The following EPB41 variants were observed in gnomAD, a reference collection of about 807,000 sequenced individuals.
EPB41 encodes protein 4.1.
Under a neutral mutation model 108.0 loss-of-function variants are expected in EPB41, and 65 were observed. The observed-to-expected ratio is 0.60, with a 90% CI of 0.49 to 0.74. The LOEUF is 0.74. Among genes scored for constraint, EPB41 ranks in the 30% least tolerant of loss-of-function variants. The pLI, the probability that EPB41 is intolerant of heterozygous loss-of-function variation, is 0.00. For missense variants in EPB41, 875 were observed against 1,037.0 expected, an observed-to-expected ratio of 0.84 and a Z score of 2.15; for synonymous variants, 336 against 358.9, an observed-to-expected ratio of 0.94 and a Z score of 0.72.
At chr1:29,014,895 C>G (rs1203184627) in intron 5 of EPB41, among the ~76,000 whole-genome samples, 2 of 152,176 alleles carry the variant, frequency 1.3e-5, no homozygotes, top group Non-Finnish European at 2.9e-5. Flanking sequence ...CCTGTAATCC[C>G]AGCACTTTGG....
chr1:28,969,609 C>CA (rs1239181945), intron 1 of EPB41, among the ~76,000 whole-genome samples: 2 of 148,466 alleles, frequency 1.3e-5, no homozygotes, highest in Non-Finnish European at 3.0e-5. Context: ...ACTAAAAATA[C>CA]AAAAAATTGG....
Position 28,987,784 on chromosome 1 carries a change from T to C in EPB41, c.347T>C (p.Ile116Thr). Residue 116 changes from isoleucine (I) to threonine (T), a missense_variant, in exon 2 of 21, where the codon ATA becomes ACA. Physicochemically the swap from Ile to Thr is moderately conservative, Grantham distance 89 (BLOSUM62 -1). Coordinates refer to ENST00000343067, the MANE Select transcript of EPB41 (RefSeq NM_001376013.1). ...KEKGEGGQKEIEFGTSLDEEI... is the reference protein window; with the variant it reads ...KEKGEGGQKETEFGTSLDEEI... ...AAAGGTGAAGGAGGTCAGAAAGAGA[T>C]AGAATTTGGAACCAGTCTTGATGAA... 1.2e-6 allele frequency: 2 copies of C among 1,614,072 alleles called. No homozygotes were observed. Among genetic ancestry groups the C allele is most frequent in the Non-Finnish European group, 8.5e-7 (1 of 1,180,016 alleles).
Position 29,018,416 on chromosome 1 carries a change from G to A in EPB41, c.1098G>A (p.Lys366=), listed in dbSNP as rs1254785377. 6.2e-7 allele frequency: 1 copy of A among 1,614,044 alleles called. No homozygotes were observed. Among genetic ancestry groups the A allele is most frequent in the Non-Finnish European group, 8.5e-7 (1 of 1,180,030 alleles). ...APNQTKELEE[K]VMELHKSYRS... ...ATCAGACCAAGGAACTTGAAGAGAAGGTCATGGAACTGCATAAGTCATACA... is the reference window on the plus strand; with the variant it reads ...ATCAGACCAAGGAACTTGAAGAGAAAGTCATGGAACTGCATAAGTCATACA... Residue 366 remains lysine, a synonymous_variant, in exon 7 of 21, where the codon AAG becomes AAA. Coordinates refer to ENST00000343067, the MANE Select transcript of EPB41 (RefSeq NM_001376013.1). The surrounding 1 kb of genome is among the most constrained non-coding windows in gnomAD (Gnocchi z 4.4).
Position 28,922,080 on chromosome 1 carries a change from C to T in EPB41, c.-8+7312C>T, listed in dbSNP as rs551877208. Among the ~76,000 whole-genome samples, 7 of 150,394 alleles carry T rather than the reference C, an allele frequency of 4.7e-5. No homozygotes were observed. In the South Asian group the frequency reaches 1.5e-3, roughly 32 times the overall value. On this transcript the variant is annotated intron_variant, in intron 1 of 20. Coordinates refer to ENST00000343067, the MANE Select transcript of EPB41 (RefSeq NM_001376013.1). ...TGCCTCCCAGGTTGAAGCGATTCTCCTGCCTCAGCCTCCCAAGTAGCTGGC... is the reference window on the plus strand; with the variant it reads ...TGCCTCCCAGGTTGAAGCGATTCTCTTGCCTCAGCCTCCCAAGTAGCTGGC...
At chr1:28,997,358 A>G in intron 4 of EPB41, 39 bp downstream of exon 4, 1 of 1,203,846 alleles carries the variant, frequency 8.3e-7, no homozygotes. Flanking sequence ...CTGACAAAAA[A>G]TTTATTTTAA....
At chr1:28,905,815 T>A (rs1260531357) in intron 1 of EPB41, among the ~76,000 whole-genome samples, 28 of 146,446 alleles carry the variant, frequency 1.9e-4, no homozygotes, top group African/African-American at 6.6e-4. Flanking sequence ...TTTTTCTTTC[T>A]TTCTTTTTTT....
At chr1:29,087,092 C>T (rs1305020322) in intron 16 of EPB41, among the ~76,000 whole-genome samples, 1 of 151,788 alleles carries the variant, frequency 6.6e-6, no homozygotes, top group South Asian at 2.1e-4. Flanking sequence ...CAGGCGCCCG[C>T]CACCATGCCC....
chr1:28,928,739 GGTT>G (rs2093586688), intron 1 of EPB41, among the ~76,000 whole-genome samples: 2 of 152,166 alleles, frequency 1.3e-5, no homozygotes, highest in African/African-American at 4.8e-5. Flanking sequence ...GATAAGGGTA[GGTT>G]GGTGTGATCA....
Position 28,914,754 on chromosome 1 carries a change from GC to G in EPB41, c.-18del. The G allele has an allele frequency of 6.5e-6, 1 of 153,416 alleles. No individual in the cohort carries two copies. Among genetic ancestry groups the G allele is most frequent in the Non-Finnish European group, 1.5e-5 (1 of 68,582 alleles). 9.5% of individuals were successfully genotyped at this position (153,416 alleles called of 1,614,324 possible). The stretch of plus-strand genomic sequence containing the variant: ...CAGCAGTGGCGGGCGCAGGAGCCCG[GC>G]CCCGGAGCCACCGGTGAGGCGAGGC... On this transcript the variant is annotated 5_prime_UTR_variant, in exon 1 of 21. Transcript: ENST00000343067.
In EPB41 at chr1:28,947,873, T is replaced by C. The variant is rs573303722; in HGVS notation, c.-8+33105T>C. 2.3e-4 allele frequency among the ~76,000 whole-genome samples: 35 copies of C among 152,304 alleles called. 1 individual carries two copies. The South Asian group carries it at 7.1e-3, about 31-fold the overall frequency. ...CAGAATAGTTTAGCCACTTTAATGT[T>C]TATTATAGGAATTTTATATTAGTTC... On this transcript the variant is annotated intron_variant, in intron 1 of 20. Transcript: ENST00000343067.
intron 11 of EPB41, among the ~76,000 whole-genome samples, chr1:29,042,085 C>G (rs991725817): frequency 6.6e-6 from 1 of 152,136 alleles, no homozygotes; most frequent in Admixed American, 6.5e-5. Flanking sequence ...ATATGTAGAC[C>G]ATTGTACAGC....
chr1:28,943,900 G>A (rs2094396638), intron 1 of EPB41, among the ~76,000 whole-genome samples: 1 of 152,124 alleles, frequency 6.6e-6, no homozygotes, highest in African/African-American at 2.4e-5. Context: ...TAACAAAGAG[G>A]TATCTGCACT....
chr1:29,020,708 A>G (rs914865961), intron 7 of EPB41, among the ~76,000 whole-genome samples: 1 of 151,868 alleles, frequency 6.6e-6, no homozygotes, highest in African/African-American at 2.4e-5. Context: ...CCCAGAGTGT[A>G]GTGTAGTGGT....
intron 4 of EPB41, among the ~76,000 whole-genome samples, chr1:29,001,317 G>A (rs1297334180): frequency 6.6e-6 from 1 of 152,034 alleles, no homozygotes; most frequent in Non-Finnish European, 1.5e-5. Context: ...GAAACAGAGC[G>A]AGATCCCGTC....
intron 16 of EPB41, among the ~76,000 whole-genome samples, chr1:29,087,160 C>G (rs973597667): frequency 1.2e-4 from 18 of 151,994 alleles, no homozygotes; most frequent in Non-Finnish European, 2.2e-4. Flanking sequence ...CCAGGATGGT[C>G]TCCATCTCCT....
intron 1 of EPB41, among the ~76,000 whole-genome samples, chr1:28,961,034 C>CAAAA (rs1272961367): frequency 5.9e-5 from 3 of 51,134 alleles, no homozygotes; most frequent in South Asian, 1.3e-3. Flanking sequence ...AACCCTGTCT[C>CAAAA]AAAAAAAAAA....
intron 1 of EPB41, among the ~76,000 whole-genome samples, chr1:28,980,423 G>T (rs961127059): frequency 6.6e-6 from 1 of 151,776 alleles, no homozygotes; most frequent in Non-Finnish European, 1.5e-5. Context: ...AAAAAATAAA[G>T]TGCATTATAG....
intron 3 of EPB41, among the ~76,000 whole-genome samples, chr1:28,996,890 G>A (rs1370006096): frequency 6.6e-6 from 1 of 152,052 alleles, no homozygotes; most frequent in Non-Finnish European, 1.5e-5. Flanking sequence ...ATCCCAGCAC[G>A]TTGGAAGGCT....
At chr1:28,929,128 G>A (rs1244728366) in intron 1 of EPB41, among the ~76,000 whole-genome samples, 1 of 152,052 alleles carries the variant, frequency 6.6e-6, no homozygotes, top group African/African-American at 2.4e-5. Context: ...TTAATGAATG[G>A]GAACTAATTA....
Sources: gnomAD v4.1 joint callset for allele counts (sites outside exome capture counted in the v4.1 genomes callset) on GRCh38, gnomAD v4.1.1 for gene constraint, Gnocchi (gnomAD v3.1) non-coding constraint, MANE v1.5 for transcripts, NCBI Gene and HGNC (gene_info 2026-07-23, HGNC 2026-07-21) for gene names.